Variants in NUCKS1 observed in about 807,000 individuals in gnomAD.
NUCKS1 encodes the protein nuclear ubiquitous casein and cyclin-dependent kinase substrate 1.
NUCKS1 carries 2 observed loss-of-function variants against 33.0 expected under a neutral mutation model. The observed-to-expected ratio is 0.06, with a 90% CI of 0.02 to 0.19. The LOEUF (loss-of-function observed/expected upper bound fraction) is 0.19, where lower values mean the gene tolerates loss of function less well. NUCKS1 is among the 10% of genes least tolerant of loss of function. The pLI, the probability that NUCKS1 is intolerant of heterozygous loss-of-function variation, is 1.00. For missense variants in NUCKS1, 201 were observed against 293.6 expected, an observed-to-expected ratio of 0.68 and a Z score of 2.31; for synonymous variants, 106 against 102.8, an observed-to-expected ratio of 1.03 and a Z score of -0.19.
intron 1 of NUCKS1, among the ~76,000 whole-genome samples, chr1:205,741,414 TG>T (rs1476731159): frequency 1.3e-5 from 2 of 151,798 alleles, no homozygotes; most frequent in Non-Finnish European, 2.9e-5. Flanking sequence ...TTTTTCCCAG[TG>T]GAAGTTTAGT....
At chr1:205,727,927 T>G (rs1558051572) in intron 2 of NUCKS1, 122 bp from the exon 3 acceptor site, 1 of 711,022 alleles carries the variant, frequency 1.4e-6, no homozygotes, top group Non-Finnish European at 2.3e-6. Flanking sequence ...ATTTCCCAAA[T>G]AGTTTCTTTC....
chr1:205,726,204 CA>C (rs1271773152), intron 3 of NUCKS1, among the ~76,000 whole-genome samples: 1 of 151,938 alleles, frequency 6.6e-6, no homozygotes, highest in Non-Finnish European at 1.5e-5. Context: ...CCTCAAAAAA[CA>C]AACAAACAAA....
chr1:205,722,877 T>C (rs1671946726), intron 4 of NUCKS1, among the ~76,000 whole-genome samples: 4 of 152,198 alleles, frequency 2.6e-5, no homozygotes, highest in African/African-American at 9.7e-5. Context: ...TCTTTCACTT[T>C]TAAAAATCTC....
At position 205,715,840 on chromosome 1, in the gene NUCKS1, G is replaced by C. The variant is rs1671811978; in HGVS notation, c.*2440C>G. ...AATGGCCAGTCAGTATCGGCTTACA[G>C]CTTGTAATGCGTCCTGACATCACTA... On this transcript the variant is annotated 3_prime_UTR_variant, in exon 7 of 7. Transcript: ENST00000367142. 6.6e-6 allele frequency: 1 copy of C among 152,208 alleles called. No homozygotes were observed. The highest frequency in any genetic ancestry group is 2.1e-4 in the South Asian group (1 of 4,828). The allele number at this position is 152,208 out of a possible 1,614,324, so 9.4% of individuals were successfully genotyped here.
intron 1 of NUCKS1, among the ~76,000 whole-genome samples, chr1:205,740,002 T>TTTTC (rs1175307106): frequency 2.9e-5 from 4 of 136,788 alleles, no homozygotes; most frequent in African/African-American, 1.1e-4. Context: ...TTTAGGTTTT[T>TTTTC]TTTTTTTTTT....
chr1:205,735,757 A>G lies in NUCKS1; in HGVS notation c.18-6136T>C, dbSNP rs184926990. Among the ~76,000 whole-genome samples, 631 of 152,348 alleles carry G rather than the reference A, an allele frequency of 4.1e-3. 2 individuals carry two copies. Among genetic ancestry groups the G allele is most frequent in the Non-Finnish European group, 5.9e-3 (401 of 68,030 alleles). On this transcript the variant is annotated intron_variant, in intron 1 of 6. Coordinates refer to ENST00000367142, the MANE Select transcript of NUCKS1 (RefSeq NM_022731.5). ...ATATCAATAACAGCTATTATTACTT[A>G]TAAGTATTAACTTGTTCCACCCAGA...
chr1:205,748,755 C>A (rs1473912615), intron 1 of NUCKS1, among the ~76,000 whole-genome samples: 1 of 152,200 alleles, frequency 6.6e-6, no homozygotes, highest in Non-Finnish European at 1.5e-5. Context: ...AAGGTACTTC[C>A]GTTTCCCACA....
intron 1 of NUCKS1, among the ~76,000 whole-genome samples, chr1:205,749,742 G>A (rs1408454705): frequency 6.6e-6 from 1 of 151,320 alleles, no homozygotes; most frequent in Non-Finnish European, 1.5e-5. Context: ...CCCTGCAGCG[G>A]CGCGGGGCGG....
chr1:205,735,385 T>G (rs1056633558), intron 1 of NUCKS1, among the ~76,000 whole-genome samples: 1 of 152,194 alleles, frequency 6.6e-6, no homozygotes, highest in Non-Finnish European at 1.5e-5. Context: ...ACCATCTGGT[T>G]TTGTGGAAAT....
intron 1 of NUCKS1, among the ~76,000 whole-genome samples, chr1:205,747,799 T>C (rs773866898): frequency 4.7e-4 from 71 of 152,220 alleles, no homozygotes; most frequent in Admixed American, 1.1e-3. Flanking sequence ...CAATTATACT[T>C]TGAAACAACA....
chr1:205,740,484 G>C (rs868774237), intron 1 of NUCKS1, among the ~76,000 whole-genome samples: 1 of 151,856 alleles, frequency 6.6e-6, no homozygotes, highest in East Asian at 2.0e-4. Context: ...GTGTGGTGGC[G>C]CACGCCTGTA....
intron 3 of NUCKS1, among the ~76,000 whole-genome samples, chr1:205,724,257 G>C (rs1300099882): frequency 6.6e-6 from 1 of 152,158 alleles, no homozygotes; most frequent in Non-Finnish European, 1.5e-5. Flanking sequence ...TATGGATAAA[G>C]CTTGGTTCAC....
At chr1:205,726,783 A>G (rs564841437) in intron 3 of NUCKS1, among the ~76,000 whole-genome samples, 12 of 152,348 alleles carry the variant, frequency 7.9e-5, no homozygotes, top group African/African-American at 2.4e-4. Context: ...ATTAAATGAT[A>G]GTGTACGTAA....
intron 1 of NUCKS1, among the ~76,000 whole-genome samples, chr1:205,739,997 G>GCTTT (rs72254647): frequency 2.4e-5 from 2 of 81,764 alleles, no homozygotes; most frequent in East Asian, 4.2e-4. Context: ...TTTACTTTAG[G>GCTTT]TTTTTTTTTT....
chr1:205,746,445 T>TCA (rs769978235), intron 1 of NUCKS1, among the ~76,000 whole-genome samples: 1,196 of 84,904 alleles, frequency 0.014, 3 homozygotes, highest in South Asian at 0.031. Flanking sequence ...CTTCTCTCTC[T>TCA]CTCTCTCTCA....
intron 1 of NUCKS1, among the ~76,000 whole-genome samples, chr1:205,742,788 G>A (rs1461421567): frequency 6.6e-6 from 1 of 152,150 alleles, no homozygotes; most frequent in Non-Finnish European, 1.5e-5. Context: ...TCGCTCCACT[G>A]CATTCCAGCC....
At chr1:205,740,272 T>C (rs1571585960) in intron 1 of NUCKS1, among the ~76,000 whole-genome samples, 1 of 152,000 alleles carries the variant, frequency 6.6e-6, no homozygotes, top group Non-Finnish European at 1.5e-5. Context: ...CCCAAAGTGC[T>C]GGGATTATAG....
At chr1:205,740,345 G>C (rs1004380485) in intron 1 of NUCKS1, among the ~76,000 whole-genome samples, 4 of 151,938 alleles carry the variant, frequency 2.6e-5, no homozygotes, top group Non-Finnish European at 5.9e-5. Flanking sequence ...CCCTCTGGTT[G>C]TGGTAGCTCA....
At chr1:205,731,569 G>A (rs1200509458) in intron 1 of NUCKS1, among the ~76,000 whole-genome samples, 1 of 152,092 alleles carries the variant, frequency 6.6e-6, no homozygotes, top group African/African-American at 2.4e-5. Context: ...GTTACTGTAG[G>A]CCTAAATTGA....
Sources: allele counts gnomAD v4.1 joint callset (sites outside exome capture counted in the v4.1 genomes callset), GRCh38; gene constraint gnomAD v4.1.1; transcripts MANE v1.5; gene names NCBI Gene and HGNC (gene_info 2026-07-23, HGNC 2026-07-21).